Variants in PPIG observed in about 807,000 individuals in gnomAD.
PPIG encodes the protein peptidyl-prolyl cis-trans isomerase G.
Under a neutral mutation model 87.9 loss-of-function variants are expected in PPIG, and 26 were observed. The ratio of observed to expected loss-of-function variants is 0.30; its 90% confidence interval spans 0.22 to 0.41. The LOEUF (loss-of-function observed/expected upper bound fraction) is 0.41, where lower values mean the gene tolerates loss of function less well. PPIG is among the 10% of genes least tolerant of loss of function. The pLI, the probability that PPIG is intolerant of heterozygous loss-of-function variation, is 1.00. For synonymous variants in PPIG, 308 were observed against 276.5 expected, an observed-to-expected ratio of 1.11 and a Z score of -1.13; for missense variants, 722 against 879.4, an observed-to-expected ratio of 0.82 and a Z score of 2.26.
chr2:169,597,584 C>T (rs55887530), intron 1 of PPIG, among the ~76,000 whole-genome samples: 15,216 of 151,658 alleles, frequency 0.1, 955 homozygotes, highest in Middle Eastern at 0.19. Flanking sequence ...CCACAACCTC[C>T]GCATCCTGAG....
chr2:169,629,857 G>A (rs546954469), intron 9 of PPIG, among the ~76,000 whole-genome samples: 2 of 152,272 alleles, frequency 1.3e-5, no homozygotes, highest in East Asian at 1.9e-4. Flanking sequence ...GGTGCAGTTT[G>A]TACCACAAAG....
chr2:169,604,730 C>T (rs530884055), intron 4 of PPIG, among the ~76,000 whole-genome samples: 9 of 151,476 alleles, frequency 5.9e-5, no homozygotes, highest in African/African-American at 2.2e-4. Context: ...AAAAATTAGC[C>T]AAATGTGGTG....
In PPIG at chr2:169,636,398, TTTC is replaced by T. The variant is rs1237167975; in HGVS notation, c.1155-12_1155-10del. On this transcript the variant is annotated splice_polypyrimidine_tract_variant and intron_variant, in intron 13 of 13. Transcript: ENST00000260970. Reference sequence around the variant, plus strand: ...TCCTAATAACATTTCCCCAATTCTTTTTCTTATTTTTTAGGAGTGAGTTGAATG... The same window carrying T: ...TCCTAATAACATTTCCCCAATTCTTTTTATTTTTTAGGAGTGAGTTGAATG... 6.6e-7 allele frequency: 1 copy of T among 1,504,692 alleles called. No individual in the cohort carries two copies. The highest frequency in any genetic ancestry group is 8.9e-7 in the Non-Finnish European group (1 of 1,123,424). The allele number at this position is 1,504,692 out of a possible 1,614,324, so 93.2% of individuals were successfully genotyped here.
chr2:169,584,627 A>G (rs993236388), intron 1 of PPIG, 137 bp downstream of exon 1: 9 of 422,728 alleles, frequency 2.1e-5, no homozygotes, highest in African/African-American at 1.7e-4. Flanking sequence ...CCCTCGAGGT[A>G]TCGGGGCTGC....
chr2:169,591,561 T>C (rs575364864), intron 1 of PPIG, among the ~76,000 whole-genome samples: 27 of 152,294 alleles, frequency 1.8e-4, no homozygotes, highest in African/African-American at 5.3e-4. Flanking sequence ...TAAAAATGTG[T>C]TTTCATTATG....
chr2:169,586,860 T>C (rs1228572257), intron 1 of PPIG, among the ~76,000 whole-genome samples: 1 of 152,228 alleles, frequency 6.6e-6, no homozygotes, highest in African/African-American at 2.4e-5. Flanking sequence ...AATACATAGA[T>C]AATTAATGCA....
In PPIG at chr2:169,640,012, G is replaced by T. The variant is rs542302887; in HGVS notation, c.*2489G>T. 1.3e-5 allele frequency: 2 copies of T among 152,176 alleles called. No homozygotes were observed. The highest frequency in any genetic ancestry group is 4.1e-4 in the South Asian group (2 of 4,826). 9.4% of individuals were successfully genotyped at this position (152,176 alleles called of 1,614,324 possible). A position where few individuals can be genotyped will look rare whatever the true frequency, so the allele number is the denominator to read the frequency against. On this transcript the variant is annotated 3_prime_UTR_variant, in exon 14 of 14. Coordinates refer to ENST00000260970, the MANE Select transcript of PPIG (RefSeq NM_004792.3). ...ATAGCTGAGAAAATTTTTTCAATAT[G>T]TAGAATTTTCATGGTTATTTTGTAT...
In PPIG at chr2:169,631,909, G is replaced by A. The variant is rs182401677; in HGVS notation, c.905G>A (p.Arg302Lys). The change falls in exon 11 of 14, where the codon AGA (arginine) becomes AAA (lysine). Residue 302 changes from arginine (R) to lysine (K), a missense_variant. Around this residue, in one of 4 missense-constraint regions of PPIG, gnomAD observed 142 missense variants for 152.8 expected, o/e 0.93. Transcript: ENST00000260970. ...PKADEKERKN[R>K]ERERERECNP... Reference sequence around the variant, plus strand: ...GCTGATGAGAAGGAAAGGAAAAACAGAGAGAGAGAAAGGGAAAGAGAGTGG... The same window carrying A: ...GCTGATGAGAAGGAAAGGAAAAACAAAGAGAGAGAAAGGGAAAGAGAGTGG... The A allele has an allele frequency of 1.8e-5, 28 of 1,597,546 alleles. No homozygotes were observed. Among genetic ancestry groups the A allele is most frequent in the African/African-American group, 4.0e-5 (3 of 74,536 alleles).
rs949800904 is a variant in PPIG, at chr2:169,636,997, A to C, written c.1739A>C (p.His580Pro). 2 of 1,613,974 alleles carry C rather than the reference A, an allele frequency of 1.2e-6. No homozygotes were observed. The highest frequency in any genetic ancestry group is 1.7e-5 in the Admixed American group (1 of 59,970). Residue 580 changes from histidine to proline, a missense_variant, in exon 14 of 14, where the codon CAT becomes CCT. Transcript: ENST00000260970. Reference sequence around the variant, plus strand: ...AGCAGAAGAGTGCGATCAAGAACCCATGACAGAGATCGCAGCAGAAGCAAG... The same window carrying C: ...AGCAGAAGAGTGCGATCAAGAACCCCTGACAGAGATCGCAGCAGAAGCAAG... ...DRSRRVRSRT[H>P]DRDRSRSKEY...
At chr2:169,621,336 A>G (rs147204993) in intron 9 of PPIG, among the ~76,000 whole-genome samples, 6 of 151,908 alleles carry the variant, frequency 3.9e-5, no homozygotes, top group Non-Finnish European at 1.5e-5. Flanking sequence ...TGCTAATTTT[A>G]TTTTCTTCCA....
Position 169,636,997 on chromosome 2 carries a change from A to G in PPIG, c.1739A>G (p.His580Arg), listed in dbSNP as rs949800904. Reference sequence around the variant, plus strand: ...AGCAGAAGAGTGCGATCAAGAACCCATGACAGAGATCGCAGCAGAAGCAAG... The same window carrying G: ...AGCAGAAGAGTGCGATCAAGAACCCGTGACAGAGATCGCAGCAGAAGCAAG... ...DRSRRVRSRTHDRDRSRSKEY... is the reference protein window; with the variant it reads ...DRSRRVRSRTRDRDRSRSKEY... Residue 580 changes from histidine (H) to arginine (R), a missense_variant, in exon 14 of 14, where the codon CAT becomes CGT. Physicochemically the swap from His to Arg is conservative, Grantham distance 29. Transcript: ENST00000260970. The G allele has an allele frequency of 3.7e-6, 6 of 1,613,974 alleles. No individual in the cohort carries two copies. The highest frequency in any genetic ancestry group is 4.2e-6 in the Non-Finnish European group (5 of 1,179,968).
rs1686267352 is a variant in PPIG at position 169,639,624 on chromosome 2, T to C, written c.*2101T>C. 6.6e-6 allele frequency: 1 copy of C among 152,162 alleles called. No individual in the cohort carries two copies. Among genetic ancestry groups the C allele is most frequent in the Admixed American group, 6.6e-5 (1 of 15,262 alleles). 9.4% of individuals were successfully genotyped at this position (152,162 alleles called of 1,614,324 possible). On this transcript the variant is annotated 3_prime_UTR_variant, in exon 14 of 14. Coordinates refer to ENST00000260970, the MANE Select transcript of PPIG (RefSeq NM_004792.3). ...CATGCTCCGCATTATTTATAGTCCTTATTTTAAAGTTTTATTAGCTCTCTT... is the reference window on the plus strand; with the variant it reads ...CATGCTCCGCATTATTTATAGTCCTCATTTTAAAGTTTTATTAGCTCTCTT...
intron 9 of PPIG, among the ~76,000 whole-genome samples, chr2:169,618,742 C>T (rs1685668484): frequency 6.6e-6 from 1 of 151,258 alleles, no homozygotes; most frequent in Non-Finnish European, 1.5e-5. Flanking sequence ...ATTCTTCTCT[C>T]TTTTCTTCTT....
rs2105527591 is a variant in PPIG, at chr2:169,638,838, A to C, written c.*1315A>C. 1 of 152,120 alleles carries C rather than the reference A, an allele frequency of 6.6e-6. No individual in the cohort carries two copies. The highest frequency in any genetic ancestry group is 2.4e-5 in the African/African-American group (1 of 41,566). 9.4% of individuals were successfully genotyped at this position (152,120 alleles called of 1,614,324 possible). On this transcript the variant is annotated 3_prime_UTR_variant, in exon 14 of 14. Coordinates refer to ENST00000260970, the MANE Select transcript of PPIG (RefSeq NM_004792.3). ...TTCTGTAATCTCTTCTAAATAAAAC[A>C]TTGAACATCCAGCAAACATAAAACC... is the stretch of plus-strand genomic sequence containing the variant.
intron 1 of PPIG, among the ~76,000 whole-genome samples, chr2:169,592,503 A>G (rs913777275): frequency 4.3e-4 from 65 of 151,892 alleles, no homozygotes; most frequent in Admixed American, 2.0e-4. Context: ...ACGGGGTTTC[A>G]CCATGTTAGC....
At chr2:169,606,591 C>CAAAAAAAAAAAAAAAAAAAAAAAAA (rs71006009) in intron 5 of PPIG, among the ~76,000 whole-genome samples, 16 of 85,022 alleles carry the variant, frequency 1.9e-4, no homozygotes, top group Middle Eastern at 7.4e-3. Flanking sequence ...GACTCTGTCT[C>CAAAAAAAAAAAAAAAAAAAAAAAAA]AAAAAAAAAA....
chr2:169,622,917 A>T (rs1204998428), intron 9 of PPIG, among the ~76,000 whole-genome samples: 3 of 152,192 alleles, frequency 2.0e-5, no homozygotes, highest in Admixed American at 2.0e-4. Flanking sequence ...AAAACCTTGT[A>T]TGAGAGATTT....
intron 7 of PPIG, among the ~76,000 whole-genome samples, chr2:169,610,466 A>T (rs1026341611): frequency 1.7e-4 from 26 of 149,918 alleles, no homozygotes; most frequent in Non-Finnish European, 5.9e-5. Context: ...TCTCCTTCCT[A>T]CCTAGTTTTG....
In PPIG at chr2:169,607,967, C is replaced by T. The variant is rs1685379170; in HGVS notation, c.290-704C>T. On this transcript the variant is annotated intron_variant, in intron 6 of 13. Coordinates refer to ENST00000260970, the MANE Select transcript of PPIG (RefSeq NM_004792.3). ...ACTTTAGGTTCAAGCTCCTGAGCTC[C>T]AGTGATCCTCCTGCTTCAACCTGCT... Among the ~76,000 whole-genome samples, 4 of 152,204 alleles carry T rather than the reference C, an allele frequency of 2.6e-5. 1 individual carries two copies. Among genetic ancestry groups the T allele is most frequent in the Admixed American group, 2.0e-4 (3 of 15,278 alleles).
Sources: gnomAD v4.1 joint callset for allele counts (sites outside exome capture counted in the v4.1 genomes callset) on GRCh38, gnomAD v4.1.1 for gene constraint, gnomAD v4.1.1 regional missense constraint, MANE v1.5 for transcripts, NCBI Gene and HGNC (gene_info 2026-07-23, HGNC 2026-07-21) for gene names.